RPGRIP1: variants seen among roughly 807,000 people sequenced by gnomAD.
RPGRIP1 encodes X-linked retinitis pigmentosa GTPase regulator-interacting protein 1.
Under a neutral mutation model 157.9 loss-of-function variants are expected in RPGRIP1, and 128 were observed. The observed-to-expected ratio is 0.81, with a 90% CI of 0.70 to 0.94. The LOEUF (loss-of-function observed/expected upper bound fraction) is 0.94, where lower values mean the gene tolerates loss of function less well. Among genes scored for constraint, RPGRIP1 ranks in the 40% least tolerant of loss-of-function variants. RPGRIP1 has a pLI of 0.00. For synonymous variants in RPGRIP1, 554 were observed against 571.6 expected, an observed-to-expected ratio of 0.97 and a Z score of 0.44; for missense variants, 1,486 against 1,545.8, an observed-to-expected ratio of 0.96 and a Z score of 0.65.
chr14:21,321,607 GC>G, intron 13 of RPGRIP1: 1 of 1,147,906 alleles, frequency 8.7e-7, no homozygotes, highest in Non-Finnish European at 1.2e-6. Flanking sequence ...CAGTGATGGG[GC>G]CAGCCCATGC....
At chr14:21,348,336 C>T (rs1885776742) in intron 24 of RPGRIP1, 34 bp downstream of exon 24, 1 of 1,472,146 alleles carries the variant, frequency 6.8e-7, no homozygotes, top group African/African-American at 1.4e-5. Flanking sequence ...TAATTATTTC[C>T]AAGGAAATCA....
At chr14:21,295,899 T>C (rs1240454907) in intron 3 of RPGRIP1, among the ~76,000 whole-genome samples, 2 of 151,380 alleles carry the variant, frequency 1.3e-5, no homozygotes, top group Admixed American at 6.6e-5. Flanking sequence ...GCCTCCTGAG[T>C]AGCTGGAATT....
Position 21,324,724 on chromosome 14 carries a change from G to C in RPGRIP1, c.1869G>C (p.Gln623His). The C allele has an allele frequency of 1.9e-6, 3 of 1,614,034 alleles. No individual in the cohort carries two copies. Among genetic ancestry groups the C allele is most frequent in the African/African-American group, 2.7e-5 (2 of 75,050 alleles). The change falls in exon 15 of 25, where the codon CAG (glutamine) becomes CAC (histidine). Residue 623 changes from glutamine (Q) to histidine (H), a missense_variant. Physicochemically the swap from Gln to His is conservative, Grantham distance 24 (BLOSUM62 0). Transcript: ENST00000400017. ...AAGTGGATATTTCTCTGCTGCATCA[G>C]GGTGAGAATCTTTTTGAACTGCACA... ...EDKVDISLLH[Q>H]GENLFELHIH...
intron 23 of RPGRIP1, among the ~76,000 whole-genome samples, chr14:21,347,642 C>T (rs553853080): frequency 3.3e-5 from 5 of 152,224 alleles, no homozygotes; most frequent in African/African-American, 1.2e-4. Flanking sequence ...CAAGAATAGG[C>T]AAATCCAGAG....
intron 1 of RPGRIP1, among the ~76,000 whole-genome samples, chr14:21,287,544 A>C (rs1005251077): frequency 6.6e-6 from 1 of 152,196 alleles, no homozygotes; most frequent in Non-Finnish European, 1.5e-5. Flanking sequence ...TGGTCCAATC[A>C]GCAATGGCTT....
At chr14:21,327,537 T>C in intron 17 of RPGRIP1, 86 bp from the exon 18 acceptor site, 1 of 1,057,570 alleles carries the variant, frequency 9.5e-7, no homozygotes, top group South Asian at 1.4e-5. Context: ...AAATTAAAAA[T>C]GGGAAGGAAG....
intron 1 of RPGRIP1, among the ~76,000 whole-genome samples, chr14:21,284,560 T>TTG (rs1880235069): frequency 6.6e-6 from 1 of 150,820 alleles, no homozygotes; most frequent in Non-Finnish European, 1.5e-5. Flanking sequence ...TTTTTTTTTT[T>TTG]GAAGATGGAA....
intron 9 of RPGRIP1, 83 bp from the exon 10 acceptor site, chr14:21,312,350 C>A: frequency 1.1e-6 from 1 of 888,832 alleles, no homozygotes. Context: ...CTCACCCACG[C>A]CCCTCCCTGC....
intron 11 of RPGRIP1, among the ~76,000 whole-genome samples, chr14:21,319,244 C>T (rs1232690650): frequency 3.3e-5 from 5 of 152,068 alleles, no homozygotes; most frequent in Admixed American, 1.3e-4. Context: ...GCTCACTAAA[C>T]ACCGATTACC....
intron 1 of RPGRIP1, among the ~76,000 whole-genome samples, chr14:21,283,406 G>A (rs1311384719): frequency 1.3e-5 from 2 of 151,962 alleles, no homozygotes; most frequent in Non-Finnish European, 2.9e-5. Context: ...GTGCTCAAGC[G>A]ATTCTCCTGC....
intron 2 of RPGRIP1, among the ~76,000 whole-genome samples, chr14:21,292,589 C>T (rs1294259589): frequency 6.6e-6 from 1 of 152,150 alleles, no homozygotes; most frequent in Non-Finnish European, 1.5e-5. Context: ...TGCCTGTAAT[C>T]CCAGCACTTT....
chr14:21,312,319 G>A (rs1182566363), intron 9 of RPGRIP1, 114 bp from the exon 10 acceptor site: 3 of 672,170 alleles, frequency 4.5e-6, no homozygotes, highest in Non-Finnish European at 5.1e-6. Context: ...CTCAGACACT[G>A]GAGATGGTGA....
Position 21,286,234 on chromosome 14 carries a change from G to A in RPGRIP1, c.-38-1705G>A, listed in dbSNP as rs1368976474. ...TTGAACTCCTGACCTCGGGCGATCC[G>A]CCCGCCTCAACCTCCCAAAGTGCCG... On this transcript the variant is annotated intron_variant, in intron 1 of 24. Coordinates refer to ENST00000400017, the MANE Select transcript of RPGRIP1 (RefSeq NM_020366.4). 8.6e-5 allele frequency among the ~76,000 whole-genome samples: 13 copies of A among 151,742 alleles called. 1 individual carries two copies. The highest frequency in any genetic ancestry group is 2.9e-4 in the African/African-American group (12 of 41,210).
chr14:21,324,437 A>G (rs1221309673), intron 14 of RPGRIP1, 181 bp from the exon 15 acceptor site: 1 of 632,918 alleles, frequency 1.6e-6, no homozygotes, highest in Non-Finnish European at 2.8e-6. Context: ...TTATTTGGCT[A>G]TCGGAATTCA....
rs1298205656 is a variant in RPGRIP1 at position 21,327,902 on chromosome 14, C to G, written c.2895+95C>G. Reference sequence around the variant, plus strand: ...ATTATAGTTGAAGTAGGTGCAGTGGCTCACGCCTGTAATCCCAGCACTTTG... The same window carrying G: ...ATTATAGTTGAAGTAGGTGCAGTGGGTCACGCCTGTAATCCCAGCACTTTG... On this transcript the variant is annotated intron_variant, in intron 18 of 24. Coordinates refer to ENST00000400017, the MANE Select transcript of RPGRIP1 (RefSeq NM_020366.4). 7 of 978,500 alleles carry G rather than the reference C, an allele frequency of 7.2e-6. No individual in the cohort carries two copies. The Admixed American group carries it at 2.2e-4, about 31-fold the overall frequency. 60.6% of individuals were successfully genotyped at this position (978,500 alleles called of 1,614,324 possible).
rs1396418143 is a variant in RPGRIP1, at chr14:21,351,207, G to A, written c.3852G>A (p.Leu1284=). 1 of 1,597,166 alleles carries A rather than the reference G, an allele frequency of 6.3e-7. No homozygotes were observed. The highest frequency in any genetic ancestry group is 8.6e-7 in the Non-Finnish European group (1 of 1,166,658). ...TTTACAAGGAGATGACTGAAGATTT[G>A]TTTTCATGAAGGAACAAGTGCTATT... The part of the protein sequence containing the change: ...HAIYKEMTED[L]FS Residue 1284 remains leucine (L), a synonymous_variant, in exon 25 of 25, where the codon TTG becomes TTA. Coordinates refer to ENST00000400017, the MANE Select transcript of RPGRIP1 (RefSeq NM_020366.4).
At position 21,325,229 on chromosome 14, in the gene RPGRIP1, C is replaced by T; in HGVS notation, c.2216-3C>T. 1 of 1,601,354 alleles carries T rather than the reference C, an allele frequency of 6.2e-7. No homozygotes were observed. Among genetic ancestry groups the T allele is most frequent in the South Asian group, 1.1e-5 (1 of 89,360 alleles). The stretch of plus-strand genomic sequence containing the variant: ...CCCTGCTTTCACACTTTCTGCTACC[C>T]AGGAGCTGGTGGAGAAGAGTTCGGG... On this transcript the variant is annotated splice_polypyrimidine_tract_variant and splice_region_variant and intron_variant, in intron 15 of 24. Coordinates refer to ENST00000400017, the MANE Select transcript of RPGRIP1 (RefSeq NM_020366.4).
Position 21,325,273 on chromosome 14 carries a change from A to G in RPGRIP1, c.2257A>G (p.Arg753Gly), listed in dbSNP as rs760853561. Reference protein sequence around the residue: ...EEFGVLEYWMRLRFPIKPSLQ... With the variant: ...EEFGVLEYWMGLRFPIKPSLQ... ...GTTCGGGGTTCTAGAGTACTGGATG[A>G]GGCTGCGTTTCCCCATAAAACCCAG... The change falls in exon 16 of 25, where the codon AGG becomes GGG. Residue 753 changes from arginine to glycine, a missense_variant. Transcript: ENST00000400017. 1 of 1,613,578 alleles carries G rather than the reference A, an allele frequency of 6.2e-7. No homozygotes were observed. Among genetic ancestry groups the G allele is most frequent in the African/African-American group, 1.3e-5 (1 of 74,924 alleles).
intron 21 of RPGRIP1, among the ~76,000 whole-genome samples, chr14:21,341,328 G>T (rs115352949): frequency 6.6e-6 from 1 of 152,088 alleles, no homozygotes; most frequent in East Asian, 1.9e-4. Context: ...TCTGCACCCC[G>T]CCAAATATCT....
Sources: allele counts gnomAD v4.1 joint callset (sites outside exome capture counted in the v4.1 genomes callset), GRCh38; gene constraint gnomAD v4.1.1; transcripts MANE v1.5; gene names NCBI Gene and HGNC (gene_info 2026-07-23, HGNC 2026-07-21).